Variants in MEIKIN observed in about 807,000 individuals in gnomAD.
MEIKIN encodes the protein meiosis-specific kinetochore protein.
At chr5:131,925,928 A>C (rs1580910265) in intron 5 of MEIKIN, among the ~76,000 whole-genome samples, 1 of 152,138 alleles carries the variant, frequency 6.6e-6, no homozygotes. Context: ...TTGGCCTCTT[A>C]AAGTGCTGGG....
At chr5:131,839,752 G>T (rs1749871260) in intron 11 of MEIKIN, among the ~76,000 whole-genome samples, 1 of 152,158 alleles carries the variant, frequency 6.6e-6, no homozygotes, top group Non-Finnish European at 1.5e-5. Context: ...CACTGCATGT[G>T]AGATGGGTCT....
intron 11 of MEIKIN, among the ~76,000 whole-genome samples, chr5:131,847,145 C>CA (rs918959899): frequency 6.6e-6 from 1 of 151,380 alleles, no homozygotes; most frequent in Non-Finnish European, 1.5e-5. Flanking sequence ...AAGTGAAGGA[C>CA]AAAAAAAGAT....
chr5:131,911,964 A>G (rs1377955079), intron 7 of MEIKIN, 85 bp from the exon 8 acceptor site: 2 of 392,064 alleles, frequency 5.1e-6, no homozygotes, highest in Non-Finnish European at 9.0e-6. Flanking sequence ...TAAAATAAAG[A>G]TATTTATTTG....
chr5:131,863,699 C>A (rs1020803186), intron 9 of MEIKIN, among the ~76,000 whole-genome samples: 1 of 151,922 alleles, frequency 6.6e-6, no homozygotes, highest in South Asian at 2.1e-4. Context: ...TGTGTCCCCA[C>A]CCAAATCTCA....
At chr5:131,895,188 G>A (rs768612981) in intron 8 of MEIKIN, among the ~76,000 whole-genome samples, 7 of 152,136 alleles carry the variant, frequency 4.6e-5, no homozygotes, top group South Asian at 2.1e-4. Context: ...GATGGATTAC[G>A]TTTATTGATT....
chr5:131,813,932 A>C (rs1773051783), intron 12 of MEIKIN, among the ~76,000 whole-genome samples: 5 of 152,202 alleles, frequency 3.3e-5, no homozygotes, highest in Admixed American at 3.3e-4. Flanking sequence ...CAAGGAAGCC[A>C]GTCCGAGTCC....
chr5:131,893,262 T>C (rs1000102616), intron 8 of MEIKIN, among the ~76,000 whole-genome samples: 1 of 143,234 alleles, frequency 7.0e-6, no homozygotes, highest in African/African-American at 2.5e-5. Context: ...CCCAGCCGCT[T>C]TGTTTACCTA....
intron 12 of MEIKIN, among the ~76,000 whole-genome samples, chr5:131,808,286 A>C (rs1772884049): frequency 6.6e-6 from 1 of 152,164 alleles, no homozygotes; most frequent in African/African-American, 2.4e-5. Context: ...TAACTTCCCA[A>C]ATGGGTAATC....
chr5:131,891,453 T>C (rs1334810095), intron 8 of MEIKIN, among the ~76,000 whole-genome samples: 1 of 152,234 alleles, frequency 6.6e-6, no homozygotes, highest in African/African-American at 2.4e-5. Flanking sequence ...GTTGAATTGA[T>C]CTCTTTACCA....
chr5:131,930,954 C>G (rs1462634775), intron 5 of MEIKIN, among the ~76,000 whole-genome samples: 2 of 152,202 alleles, frequency 1.3e-5, no homozygotes, highest in African/African-American at 4.8e-5. Context: ...ATTTGTATAT[C>G]TCCATTTCAT....
rs199813126 is a variant in MEIKIN at position 131,857,403 on chromosome 5, G to A, written c.775-2569C>T. On this transcript the variant is annotated intron_variant, in intron 9 of 12. Transcript: ENST00000442687. ...CAGGGATGCCCATCCTCCAAGGCTC[G>A]CCATACTCTTCTAGGTGGCTTTAGC... Among the ~76,000 whole-genome samples, 19 of 152,096 alleles carry A rather than the reference G, an allele frequency of 1.2e-4. No individual in the cohort carries two copies. In the East Asian group the frequency reaches 1.4e-3, roughly 11 times the overall value.
At chr5:131,854,067 A>G (rs1750156527) in intron 10 of MEIKIN, among the ~76,000 whole-genome samples, 1 of 152,228 alleles carries the variant, frequency 6.6e-6, no homozygotes, top group African/African-American at 2.4e-5. Context: ...ATTATTCACA[A>G]TTGTCAAAAG....
chr5:131,828,158 T>A (rs1256151319), intron 11 of MEIKIN, among the ~76,000 whole-genome samples: 2 of 152,126 alleles, frequency 1.3e-5, no homozygotes, highest in Non-Finnish European at 2.9e-5. Context: ...AGGTTTAATA[T>A]AAGATTTGTT....
intron 4 of MEIKIN, among the ~76,000 whole-genome samples, chr5:131,935,548 T>C (rs1168533464): frequency 6.6e-6 from 1 of 152,136 alleles, no homozygotes; most frequent in Non-Finnish European, 1.5e-5. Context: ...AGTCTACATT[T>C]ATTAAACATT....
intron 8 of MEIKIN, among the ~76,000 whole-genome samples, chr5:131,901,656 G>A (rs1441612290): frequency 6.6e-6 from 1 of 152,082 alleles, no homozygotes; most frequent in African/African-American, 2.4e-5. Context: ...TCACCTCAAG[G>A]GGCCAGAGAA....
chr5:131,841,881 C>A (rs1048366551), intron 11 of MEIKIN, among the ~76,000 whole-genome samples: 1 of 152,118 alleles, frequency 6.6e-6, no homozygotes, highest in Non-Finnish European at 1.5e-5. Flanking sequence ...ATAAAGACAA[C>A]TGATTTTTGT....
intron 9 of MEIKIN, among the ~76,000 whole-genome samples, chr5:131,871,917 A>G (rs944429736): frequency 3.9e-5 from 6 of 152,200 alleles, no homozygotes; most frequent in Non-Finnish European, 7.3e-5. Context: ...GCAAACTCCA[A>G]CAGACCTGCA....
At chr5:131,923,573 A>C (rs1392213558) in intron 5 of MEIKIN, among the ~76,000 whole-genome samples, 1 of 147,946 alleles carries the variant, frequency 6.8e-6, no homozygotes, top group Non-Finnish European at 1.5e-5. Context: ...ATCTCAACTT[A>C]ATATTTTAAT....
At chr5:131,824,343 G>A (rs1274166135) in intron 11 of MEIKIN, among the ~76,000 whole-genome samples, 1 of 151,246 alleles carries the variant, frequency 6.6e-6, no homozygotes, top group East Asian at 1.9e-4. Flanking sequence ...AGTGAGACCT[G>A]GCTCTAAAAA....
Sources: allele counts gnomAD v4.1 joint callset (sites outside exome capture counted in the v4.1 genomes callset), GRCh38; gene constraint gnomAD v4.1.1; transcripts MANE v1.5; gene names NCBI Gene and HGNC (gene_info 2026-07-23, HGNC 2026-07-21).